The following ARB2A variants were observed in gnomAD, a reference collection of about 807,000 sequenced individuals.
The protein encoded by ARB2A is cotranscriptional regulator ARB2A.
At chr5:93,728,606 G>A in the ARB2A span, among the ~76,000 whole-genome samples, 1 of 151,870 alleles carries the variant, frequency 6.6e-6, no homozygotes, top group Admixed American at 6.6e-5. Context: ...CAGTGGATCT[G>A]CTAAACCATT....
chr5:93,870,303 C>T, the ARB2A span, among the ~76,000 whole-genome samples: 1 of 152,144 alleles, frequency 6.6e-6, no homozygotes, highest in Non-Finnish European at 1.5e-5. Context: ...TGAGATAGAT[C>T]CAAATGTCTC....
the ARB2A span, among the ~76,000 whole-genome samples, chr5:93,947,150 A>G: frequency 1.3e-5 from 2 of 152,146 alleles, no homozygotes; most frequent in Non-Finnish European, 2.9e-5. Context: ...GACTGAATTC[A>G]TCTTCAGTAG....
At chr5:94,052,004 A>T in the ARB2A span, among the ~76,000 whole-genome samples, 1 of 151,956 alleles carries the variant, frequency 6.6e-6, no homozygotes, top group Non-Finnish European at 1.5e-5. Flanking sequence ...ATTTTTTAGT[A>T]GAGATGAGGT....
At chr5:93,981,334 G>T in the ARB2A span, among the ~76,000 whole-genome samples, 1 of 151,960 alleles carries the variant, frequency 6.6e-6, no homozygotes, top group African/African-American at 2.4e-5. Context: ...CTCCCAAAGT[G>T]CTAGGATTAT....
At chr5:93,970,025 T>C in the ARB2A span, among the ~76,000 whole-genome samples, 1 of 152,274 alleles carries the variant, frequency 6.6e-6, no homozygotes, top group African/African-American at 2.4e-5. Context: ...AAGTTTATTT[T>C]ATTACCAGAT....
chr5:93,927,326 A>T, the ARB2A span, among the ~76,000 whole-genome samples: 1 of 152,012 alleles, frequency 6.6e-6, no homozygotes, highest in Non-Finnish European at 1.5e-5. Flanking sequence ...GAAACATTTA[A>T]CCTCCCTCAG....
At chr5:94,070,411 TAATGTTCA>T in the ARB2A span, among the ~76,000 whole-genome samples, 1 of 152,084 alleles carries the variant, frequency 6.6e-6, no homozygotes, top group South Asian at 2.1e-4. Flanking sequence ...GGATAAGTTC[TAATGTTCA>T]ATAGCATATA....
chr5:93,953,794 G>A, the ARB2A span, among the ~76,000 whole-genome samples: 1,730 of 152,144 alleles, frequency 0.011, 36 homozygotes, highest in African/African-American at 0.04. Context: ...GATACTCTAG[G>A]AACCTACCCA....
chr5:93,668,560 G>A, the ARB2A span, among the ~76,000 whole-genome samples: 1 of 152,184 alleles, frequency 6.6e-6, no homozygotes, highest in Non-Finnish European at 1.5e-5. Flanking sequence ...GAAATCAGAA[G>A]CTTTCCAAAT....
the ARB2A span, among the ~76,000 whole-genome samples, chr5:94,041,144 A>C: frequency 6.6e-6 from 1 of 151,532 alleles, no homozygotes; most frequent in Admixed American, 6.6e-5. Context: ...AACGGTAAAA[A>C]TCACTAGTTA....
the ARB2A span, among the ~76,000 whole-genome samples, chr5:93,750,057 C>T: frequency 1.6e-4 from 25 of 152,298 alleles, no homozygotes; most frequent in Non-Finnish European, 3.2e-4. Context: ...ATGCCTAATA[C>T]TCTTTATACC....
the ARB2A span, among the ~76,000 whole-genome samples, chr5:94,065,149 C>T: frequency 6.6e-6 from 1 of 151,988 alleles, no homozygotes; most frequent in African/African-American, 2.4e-5. Flanking sequence ...AAAACATGGC[C>T]CAACTACATG....
chr5:94,109,670 T>C, the ARB2A span, among the ~76,000 whole-genome samples: 1 of 152,184 alleles, frequency 6.6e-6, no homozygotes, highest in Non-Finnish European at 1.5e-5. Flanking sequence ...GCCTACATCC[T>C]TGCTATTCCA....
the ARB2A span, among the ~76,000 whole-genome samples, chr5:93,687,404 G>T: frequency 6.6e-6 from 1 of 151,924 alleles, no homozygotes; most frequent in African/African-American, 2.4e-5. Flanking sequence ...AGAAACACTA[G>T]CAAAAATGTA....
the ARB2A span, among the ~76,000 whole-genome samples, chr5:93,675,403 G>A: frequency 6.6e-6 from 1 of 152,168 alleles, no homozygotes; most frequent in African/African-American, 2.4e-5. Context: ...TTGGCTTTAT[G>A]TATCTACTAA....
At chr5:93,911,167 A>G in the ARB2A span, among the ~76,000 whole-genome samples, 7 of 151,642 alleles carry the variant, frequency 4.6e-5, no homozygotes, top group Non-Finnish European at 5.9e-5. Flanking sequence ...ACTTTCTAAT[A>G]CAGTCTGAAA....
At chr5:93,874,006 T>G in the ARB2A span, among the ~76,000 whole-genome samples, 1 of 152,192 alleles carries the variant, frequency 6.6e-6, no homozygotes, top group South Asian at 2.1e-4. Context: ...TTCGGGGGAA[T>G]ATATCTGGAA....
the ARB2A span, among the ~76,000 whole-genome samples, chr5:94,102,824 C>A: frequency 6.6e-6 from 1 of 152,086 alleles, no homozygotes; most frequent in Non-Finnish European, 1.5e-5. Context: ...GACCTTTCAG[C>A]AGAAACCCTA....
the ARB2A span, chr5:93,740,433 T>C: frequency 3.5e-6 from 3 of 847,784 alleles, no homozygotes; most frequent in Non-Finnish European, 5.4e-6. Flanking sequence ...CCCACCCCCA[T>C]TCCCTACTAT....
Sources: gnomAD v4.1 joint callset for allele counts (sites outside exome capture counted in the v4.1 genomes callset) on GRCh38, gnomAD v4.1.1 for gene constraint, MANE v1.5 for transcripts, NCBI Gene and HGNC (gene_info 2026-07-23, HGNC 2026-07-21) for gene names.